CEP83: variants seen among roughly 807,000 people sequenced by gnomAD.
CEP83 encodes centrosomal protein 83.
A neutral mutation model predicts 101.9 loss-of-function variants in CEP83; 70 were observed. The ratio of observed to expected loss-of-function variants is 0.69; its 90% CI spans 0.57 to 0.84. The LOEUF (loss-of-function observed/expected upper bound fraction) is 0.84, where lower values mean the gene tolerates loss of function less well. Ranked by LOEUF, CEP83 falls within the 40% of genes least tolerant of loss-of-function variation. The probability of loss-of-function intolerance (pLI) is 0.00; values close to 1 mark genes in which losing one functional copy is unlikely to be tolerated. For synonymous variants in CEP83, 264 were observed against 267.9 expected (o/e 0.99, Z 0.14); for missense variants, 715 against 787.2 (o/e 0.91, Z 1.10).
chr12:94,284,185 A>G, the CEP83 span, among the ~76,000 whole-genome samples: 11 of 151,110 alleles, frequency 7.3e-5, no homozygotes, highest in African/African-American at 2.7e-4. Flanking sequence ...CAATTTGGGG[A>G]GAGTCAGAAT....
At chr12:94,420,103 T>C (rs2064602410) in intron 2 of CEP83, among the ~76,000 whole-genome samples, 1 of 152,178 alleles carries the variant, frequency 6.6e-6, no homozygotes, top group African/African-American at 2.4e-5. Flanking sequence ...GTAAAAATTA[T>C]TCATAATATT....
chr12:94,329,662 C>T (rs773979232), intron 14 of CEP83, among the ~76,000 whole-genome samples: 13 of 152,152 alleles, frequency 8.5e-5, no homozygotes, highest in Admixed American at 3.3e-4. Context: ...TGCTGTAACA[C>T]GGCTTCAGAT....
downstream of CEP83, chr12:94,307,408 A>G (rs1199414321): frequency 6.6e-6 from 1 of 152,228 alleles, no homozygotes; most frequent in African/African-American, 2.4e-5. Context: ...ACAATCAGTC[A>G]CTGGGTCTAT....
intron 7 of CEP83, 96 bp downstream of exon 7, chr12:94,378,695 T>TG (rs916709273): frequency 2.1e-5 from 28 of 1,309,324 alleles, no homozygotes; most frequent in Non-Finnish European, 2.8e-5. Context: ...AGCATTAGCT[T>TG]GGGGGGCATA....
intron 11 of CEP83, among the ~76,000 whole-genome samples, chr12:94,339,916 T>C (rs548624845): frequency 1.5e-4 from 23 of 152,370 alleles, no homozygotes; most frequent in East Asian, 7.7e-4. Context: ...CCTTCAAACA[T>C]TGACACATAT....
At position 94,398,639 on chromosome 12, in the gene CEP83, G is replaced by A. The variant is rs187066274; in HGVS notation, c.549+2211C>T. Among the ~76,000 whole-genome samples the A allele has an allele frequency of 2.2e-3, 337 of 152,210 alleles. 1 individual carries two copies. Among genetic ancestry groups the A allele is most frequent in the African/African-American group, 7.7e-3 (318 of 41,514 alleles). On this transcript the variant is annotated intron_variant, in intron 6 of 16. Transcript: ENST00000397809. The stretch of plus-strand genomic sequence containing the variant: ...CCTTGAAAAAGAATAGAATAACAGC[G>A]ATTTTCAGGGAACAAGGGAAGACAA...
chr12:94,283,554 C>T, the CEP83 span, among the ~76,000 whole-genome samples: 70,875 of 151,974 alleles, frequency 0.47, 16,613 homozygotes, highest in African/African-American at 0.54. Context: ...GTACGGGAGA[C>T]GGGAGTTTTA....
chr12:94,396,227 CTGT>C (rs2137487668), intron 6 of CEP83, among the ~76,000 whole-genome samples: 1 of 150,974 alleles, frequency 6.6e-6, no homozygotes, highest in Non-Finnish European at 1.5e-5. Flanking sequence ...AGCATTTCAC[CTGT>C]ATGAAGTCCC....
At chr12:94,273,615 G>A in the CEP83 span, among the ~76,000 whole-genome samples, 1 of 152,104 alleles carries the variant, frequency 6.6e-6, no homozygotes, top group East Asian at 1.9e-4. Flanking sequence ...CATTCTACCT[G>A]GCATTAGAAT....
chr12:94,446,427 C>T lies in CEP83; in HGVS notation c.-154-11100G>A, dbSNP rs117838326. Among the ~76,000 whole-genome samples the T allele has an allele frequency of 9.1e-4, 138 of 152,192 alleles. 1 individual carries two copies. In the East Asian group the frequency reaches 0.022, roughly 25 times the overall value. The stretch of plus-strand genomic sequence containing the variant: ...AGAACCTATCAATAATGTTAAGTGA[C>T]GGCCGGGCGTGGTGGCTCATGCCTG... On this transcript the variant is annotated intron_variant, in intron 1 of 16. Transcript: ENST00000397809.
chr12:94,310,579 T>A (rs1969700872), intron 15 of CEP83, among the ~76,000 whole-genome samples: 1 of 152,104 alleles, frequency 6.6e-6, no homozygotes, highest in South Asian at 2.1e-4. Flanking sequence ...AGAACCCTCA[T>A]AATGGAAAAG....
At chr12:94,307,467 G>GTTTC (rs1437890185), downstream of CEP83, 1 of 152,094 alleles carries the variant, frequency 6.6e-6, no homozygotes, top group Non-Finnish European at 1.5e-5. Context: ...CTATTTTCAA[G>GTTTC]TTTCTTTGCA....
intron 11 of CEP83, among the ~76,000 whole-genome samples, chr12:94,351,936 G>C (rs68011496): frequency 6.6e-6 from 1 of 152,210 alleles, no homozygotes; most frequent in Admixed American, 6.5e-5. Context: ...AGACACTGCT[G>C]ACACGAATTA....
At position 94,433,681 on chromosome 12, in the gene CEP83, C is replaced by CA. The variant is rs1049763779; in HGVS notation, c.-102+1593dup. On this transcript the variant is annotated intron_variant, in intron 2 of 16. Transcript: ENST00000397809. The stretch of plus-strand genomic sequence containing the variant: ...TGGGTGACGAGGTGAGACCCTGTCT[C>CA]AAAAAAAAAAAAGAAAAGAAAAGAA... Among the ~76,000 whole-genome samples the CA allele has an allele frequency of 5.2e-3, 645 of 123,094 alleles. 3 individuals are homozygous for CA. Among genetic ancestry groups the CA allele is most frequent in the East Asian group, 0.026 (115 of 4,414 alleles). The allele number at this position is 123,094 out of a possible 152,430, so 80.8% of individuals were successfully genotyped here. A position where few individuals can be genotyped will look rare whatever the true frequency, so the allele number is the denominator to read the frequency against.
At chr12:94,443,412 G>C (rs571651293) in intron 1 of CEP83, among the ~76,000 whole-genome samples, 1 of 152,068 alleles carries the variant, frequency 6.6e-6, no homozygotes, top group South Asian at 2.1e-4. Flanking sequence ...TGCTCTAAAA[G>C]TGAACAGAAA....
At chr12:94,355,399 G>A (rs575244696) in intron 11 of CEP83, among the ~76,000 whole-genome samples, 6 of 152,064 alleles carry the variant, frequency 3.9e-5, no homozygotes, top group African/African-American at 7.2e-5. Flanking sequence ...AGGCTGAGGC[G>A]GGAGAATGGC....
intron 11 of CEP83, among the ~76,000 whole-genome samples, chr12:94,357,545 G>A (rs914456872): frequency 6.6e-6 from 1 of 152,286 alleles, no homozygotes; most frequent in South Asian, 2.1e-4. Flanking sequence ...GTTCTAAACC[G>A]GGGCATTTCC....
chr12:94,306,123 T>G (rs1476813405), downstream of CEP83: 1 of 152,138 alleles, frequency 6.6e-6, no homozygotes, highest in Admixed American at 6.5e-5. Flanking sequence ...AAACCTTTGA[T>G]CAGAACGATC....
At chr12:94,342,667 AAC>A (rs1343155111) in intron 11 of CEP83, among the ~76,000 whole-genome samples, 2 of 152,166 alleles carry the variant, frequency 1.3e-5, no homozygotes, top group Non-Finnish European at 2.9e-5. Context: ...CTACATATAA[AAC>A]ACACATTTAA....
Sources: gnomAD v4.1 joint callset for allele counts (sites outside exome capture counted in the v4.1 genomes callset) on GRCh38, gnomAD v4.1.1 for gene constraint, MANE v1.5 for transcripts, NCBI Gene and HGNC (gene_info 2026-07-23, HGNC 2026-07-21) for gene names.